The following PPM1E variants were observed in gnomAD, a reference collection of about 807,000 sequenced individuals.
The protein encoded by PPM1E is protein phosphatase, Mg2+/Mn2+ dependent 1E.
PPM1E carries 20 observed loss-of-function variants against 65.9 expected under a neutral mutation model. The ratio of observed to expected loss-of-function variants is 0.30; its 90% CI spans 0.21 to 0.44. The LOEUF (loss-of-function observed/expected upper bound fraction) is 0.44. Ranked by LOEUF, PPM1E falls within the 20% of genes least tolerant of loss-of-function variation. The pLI is 1.00. For missense variants in PPM1E, 713 were observed against 953.1 expected (o/e 0.75, Z 3.32); for synonymous variants, 352 against 374.9 (o/e 0.94, Z 0.70).
At chr17:58,846,101 A>G (rs1280766418) in intron 1 of PPM1E, among the ~76,000 whole-genome samples, 1 of 152,206 alleles carries the variant, frequency 6.6e-6, no homozygotes, top group Admixed American at 6.5e-5. Context: ...TACTGTGAAT[A>G]ATGCTGCTAT....
At chr17:58,778,927 CATATATATATATATAT>C (rs59563297) in intron 1 of PPM1E, among the ~76,000 whole-genome samples, 1,089 of 103,710 alleles carry the variant, frequency 0.011, 16 homozygotes, top group Admixed American at 0.017. Flanking sequence ...ATGATACATA[CATATATATATATATAT>C]ATATATATAT....
intron 1 of PPM1E, among the ~76,000 whole-genome samples, chr17:58,859,749 C>G (rs1347873225): frequency 1.3e-5 from 2 of 152,198 alleles, no homozygotes; most frequent in African/African-American, 4.8e-5. Flanking sequence ...CAAAACACAA[C>G]AAATAATTCC....
rs890357535 is a variant in PPM1E, at chr17:58,982,324, AAACT to A, written c.*1295_*1298del. Reference sequence around the variant, plus strand: ...AAGCATGTTGTCAACTAAAGACAACAAACTATCAGATTCATTCATTCAGTGAAGC... The same window carrying A: ...AAGCATGTTGTCAACTAAAGACAACAATCAGATTCATTCATTCAGTGAAGC... On this transcript the variant is annotated 3_prime_UTR_variant, in exon 7 of 7. Coordinates refer to ENST00000308249, the MANE Select transcript of PPM1E (RefSeq NM_014906.5). The A allele has an allele frequency of 9.2e-5, 14 of 152,430 alleles. No individual in the cohort carries two copies. The highest frequency in any genetic ancestry group is 2.9e-4 in the African/African-American group (12 of 41,584). 9.4% of individuals were successfully genotyped at this position (152,430 alleles called of 1,614,324 possible).
In PPM1E at chr17:58,830,292, GTTATTATTATTA is replaced by G. The variant is rs376605107; in HGVS notation, c.464+73852_464+73863del. ...AGCTTTCACTGTTGTTGTTGTTGTT[GTTATTATTATTA>G]TTATTATTATTATTATTATTTGAGA... On this transcript the variant is annotated intron_variant, in intron 1 of 6. Transcript: ENST00000308249. 5.4e-4 allele frequency among the ~76,000 whole-genome samples: 79 copies of G among 146,834 alleles called. 1 individual carries two copies. The highest frequency in any genetic ancestry group is 1.8e-3 in the African/African-American group (72 of 39,384).
intron 1 of PPM1E, among the ~76,000 whole-genome samples, chr17:58,832,723 T>C (rs1345403921): frequency 6.6e-6 from 1 of 152,238 alleles, no homozygotes; most frequent in African/African-American, 2.4e-5. Flanking sequence ...TATATAACCA[T>C]AGTATAATTA....
Position 58,955,691 on chromosome 17 carries a change from A to G in PPM1E, c.507A>G (p.Thr169=), listed in dbSNP as rs367948615. The G allele has an allele frequency of 6.2e-7, 1 of 1,613,476 alleles. No individual in the cohort carries two copies. The highest frequency in any genetic ancestry group is 1.3e-5 in the African/African-American group (1 of 74,892). ...SFLAAALARA[T]SDEVLQSDLS... is the part of the protein sequence containing the mutation. ...TGGCTGCTGCTTTAGCCAGAGCCAC[A>G]TCAGATGAAGTCCTTCAGAGTGATC... Residue 169 remains threonine, a synonymous_variant, in exon 2 of 7, where the codon ACA becomes ACG. Transcript: ENST00000308249.
At chr17:58,784,548 C>T (rs1454614884) in intron 1 of PPM1E, among the ~76,000 whole-genome samples, 3 of 140,064 alleles carry the variant, frequency 2.1e-5, no homozygotes, top group Admixed American at 7.5e-5. Context: ...TTTTTTGAGA[C>T]GGAGTCTCAC....
At position 58,787,920 on chromosome 17, in the gene PPM1E, A is replaced by AG. The variant is rs1216582294; in HGVS notation, c.464+31459_464+31460insG. On this transcript the variant is annotated intron_variant, in intron 1 of 6. Coordinates refer to ENST00000308249, the MANE Select transcript of PPM1E (RefSeq NM_014906.5). ...AGACTCTGTCTAAAAAAAAAAAAAA[A>AG]AGAAAAGAAAGAAAAAAATGGTTTT... 2.6e-5 allele frequency among the ~76,000 whole-genome samples: 4 copies of AG among 151,364 alleles called. No homozygotes were observed. In the East Asian group the frequency reaches 7.7e-4, roughly 29 times the overall value.
At chr17:58,909,309 A>G (rs1292853647) in intron 1 of PPM1E, among the ~76,000 whole-genome samples, 2 of 152,050 alleles carry the variant, frequency 1.3e-5, no homozygotes, top group Non-Finnish European at 2.9e-5. Context: ...TCAGGCTGGA[A>G]TGCAATGGCA....
At chr17:58,969,766 T>A (rs1567893717) in intron 4 of PPM1E, 39 bp downstream of exon 4, 2 of 1,593,426 alleles carry the variant, frequency 1.3e-6, no homozygotes, top group Non-Finnish European at 8.6e-7. Context: ...AGAAATGTAC[T>A]AGCTGAGCTC....
At chr17:58,803,151 C>T (rs2050274403) in intron 1 of PPM1E, among the ~76,000 whole-genome samples, 1 of 152,062 alleles carries the variant, frequency 6.6e-6, no homozygotes, top group South Asian at 2.1e-4. Context: ...TTGTCTTGTT[C>T]CTGATCTTAA....
At chr17:58,838,885 T>C (rs145859295) in intron 1 of PPM1E, among the ~76,000 whole-genome samples, 10 of 152,244 alleles carry the variant, frequency 6.6e-5, no homozygotes, top group Admixed American at 6.5e-4. Context: ...GGAAAAGACA[T>C]GGAGAAAATA....
chr17:58,955,180 C>T (rs1292285734), intron 1 of PPM1E, among the ~76,000 whole-genome samples: 1 of 152,132 alleles, frequency 6.6e-6, no homozygotes, highest in Non-Finnish European at 1.5e-5. Context: ...GCCTGACCAA[C>T]ATGGAGAAAC....
At chr17:58,949,704 T>C (rs531529077) in intron 1 of PPM1E, among the ~76,000 whole-genome samples, 43 of 152,324 alleles carry the variant, frequency 2.8e-4, no homozygotes, top group African/African-American at 7.9e-4. Context: ...TCCTGGTGAA[T>C]TTTATAATTT....
intron 1 of PPM1E, among the ~76,000 whole-genome samples, chr17:58,909,974 C>T (rs2143500114): frequency 8.3e-6 from 1 of 119,966 alleles, no homozygotes; most frequent in East Asian, 2.6e-4. Flanking sequence ...GCTATCTTGG[C>T]TCACTGCAAA....
At chr17:58,785,274 T>G (rs2050087723) in intron 1 of PPM1E, 1 of 147,256 alleles carries the variant, frequency 6.8e-6, no homozygotes, top group East Asian at 2.0e-4. Context: ...TTTAGAAGAA[T>G]AATATAACTT....
chr17:58,780,396 AGG>A (rs2050039333), intron 1 of PPM1E, among the ~76,000 whole-genome samples: 1 of 152,192 alleles, frequency 6.6e-6, no homozygotes, highest in African/African-American at 2.4e-5. Context: ...GCTACTCAGG[AGG>A]CTGAGGTGGG....
At chr17:58,828,509 G>T (rs919963111) in intron 1 of PPM1E, among the ~76,000 whole-genome samples, 1 of 151,974 alleles carries the variant, frequency 6.6e-6, no homozygotes, top group African/African-American at 2.4e-5. Context: ...TTGTTTCCCA[G>T]GCTGGAGTGC....
chr17:58,890,617 G>C (rs1375335467), intron 1 of PPM1E, among the ~76,000 whole-genome samples: 1 of 152,076 alleles, frequency 6.6e-6, no homozygotes, highest in African/African-American at 2.4e-5. Context: ...AGGATCAACT[G>C]TATGTATGTG....
Sources: allele counts gnomAD v4.1 joint callset (sites outside exome capture counted in the v4.1 genomes callset), GRCh38; gene constraint gnomAD v4.1.1; transcripts MANE v1.5; gene names NCBI Gene and HGNC (gene_info 2026-07-23, HGNC 2026-07-21).